Variants in RGS6 observed in about 807,000 individuals in gnomAD.
RGS6 encodes the protein regulator of G-protein signaling 6.
In RGS6, 30 loss-of-function variants were observed where a neutral mutation model predicts 78.5. The observed-to-expected ratio is 0.38, with a 90% confidence interval of 0.29 to 0.52. The LOEUF is 0.52. Among genes scored for constraint, RGS6 ranks in the 20% least tolerant of loss-of-function variants. RGS6 has a pLI of 0.85. For synonymous variants in RGS6, 206 were observed against 206.0 expected (o/e 1.00, Z 0.00); for missense variants, 495 against 609.7 (o/e 0.81, Z 1.98).
chr14:72,431,545 T>TTTTATTTTATTTTAG (rs2094639459), intron 3 of RGS6, among the ~76,000 whole-genome samples: 1 of 151,296 alleles, frequency 6.6e-6, no homozygotes, highest in African/African-American at 2.4e-5. Flanking sequence ...TTTTATTTTA[T>TTTTATTTTATTTTAG]TTTATTTTAT....
chr14:71,871,344 G>T, the RGS6 span, among the ~76,000 whole-genome samples: 13 of 152,286 alleles, frequency 8.5e-5, no homozygotes, highest in African/African-American at 3.1e-4. Flanking sequence ...ATAGACATGT[G>T]CTTGATAGAA....
At chr14:72,485,345 T>A (rs1864688258) in intron 12 of RGS6, among the ~76,000 whole-genome samples, 1 of 152,216 alleles carries the variant, frequency 6.6e-6, no homozygotes, top group Non-Finnish European at 1.5e-5. Context: ...TACATACCTC[T>A]ATTTTCTTCT....
At chr14:72,314,404 C>T (rs1482358989) in intron 2 of RGS6, among the ~76,000 whole-genome samples, 3 of 152,202 alleles carry the variant, frequency 2.0e-5, no homozygotes, top group African/African-American at 7.2e-5. Flanking sequence ...GTTGTCTTTT[C>T]TTGGGAAAGT....
Position 72,477,419 on chromosome 14 carries a change from AG to A in RGS6, c.792+581del, listed in dbSNP as rs1388089925. ...CTGGTTCCTAGAGGGCAAAACCCAAAGGAGTAAACTTTGAGGTGCTTGCCCT... is the reference window on the plus strand; with the variant it reads ...CTGGTTCCTAGAGGGCAAAACCCAAAGAGTAAACTTTGAGGTGCTTGCCCT... On this transcript the variant is annotated intron_variant, in intron 11 of 17. Transcript: ENST00000553525. Among the ~76,000 whole-genome samples the A allele has an allele frequency of 4.6e-5, 7 of 152,264 alleles. No individual in the cohort carries two copies. The South Asian group carries it at 1.2e-3, about 27-fold the overall frequency.
In RGS6 at chr14:72,510,294, G is replaced by A. The variant is rs377569281; in HGVS notation, c.1091+15G>A. On this transcript the variant is annotated intron_variant, in intron 14 of 17. Transcript: ENST00000553525. ...GAAAACCTCAGGTAAATCTCTCAAA[G>A]TTTGAGCTGTGTGCGGAATGTGTGT... 905 of 1,614,096 alleles carry A rather than the reference G, an allele frequency of 5.6e-4. No homozygotes were observed. Among genetic ancestry groups the A allele is most frequent in the Non-Finnish European group, 7.1e-4 (837 of 1,179,998 alleles).
intron 2 of RGS6, among the ~76,000 whole-genome samples, chr14:72,233,799 G>A (rs547484011): frequency 2.6e-5 from 4 of 152,332 alleles, no homozygotes; most frequent in African/African-American, 9.6e-5. Context: ...AGTAGGTGGG[G>A]CAGTGGCATG....
intron 2 of RGS6, among the ~76,000 whole-genome samples, chr14:72,323,837 A>C (rs1450361193): frequency 1.4e-5 from 2 of 142,892 alleles, no homozygotes; most frequent in East Asian, 2.1e-4. Flanking sequence ...AAAAAAAAAA[A>C]AAAACTATTG....
intron 7 of RGS6, 61 bp downstream of exon 7, chr14:72,465,883 C>A: frequency 7.4e-7 from 1 of 1,342,404 alleles, no homozygotes; most frequent in Non-Finnish European, 1.1e-6. Flanking sequence ...TCTGCAGCTC[C>A]GTCTAAGTTT....
chr14:72,195,162 C>T (rs376338373), intron 2 of RGS6, among the ~76,000 whole-genome samples: 13 of 151,626 alleles, frequency 8.6e-5, no homozygotes, highest in South Asian at 2.1e-4. Context: ...GAGCCGAGAT[C>T]GCACCACTGC....
At chr14:72,157,532 C>T (rs1458592218) in intron 2 of RGS6, among the ~76,000 whole-genome samples, 1 of 152,176 alleles carries the variant, frequency 6.6e-6, no homozygotes, top group Non-Finnish European at 1.5e-5. Context: ...GTTTCCTTCT[C>T]CACAATTCTG....
the RGS6 span, among the ~76,000 whole-genome samples, chr14:72,623,388 G>A: frequency 6.6e-6 from 1 of 152,158 alleles, no homozygotes; most frequent in Non-Finnish European, 1.5e-5. Context: ...ACCACACAGA[G>A]AGAAACTATT....
chr14:72,098,551 T>C (rs2153519482), intron 2 of RGS6, among the ~76,000 whole-genome samples: 1 of 152,348 alleles, frequency 6.6e-6, no homozygotes, highest in South Asian at 2.1e-4. Context: ...CAAATTTTTC[T>C]TGCAGATATA....
At chr14:71,976,365 C>T (rs1435346439) in intron 2 of RGS6, among the ~76,000 whole-genome samples, 1 of 150,722 alleles carries the variant, frequency 6.6e-6, no homozygotes, top group East Asian at 1.9e-4. Context: ...CACCCACTAA[C>T]TCGTCATCTA....
At chr14:71,936,064 T>C (rs1162242837) in intron 1 of RGS6, among the ~76,000 whole-genome samples, 1 of 110,502 alleles carries the variant, frequency 9.0e-6, no homozygotes, top group East Asian at 2.6e-4. Context: ...CATATATACA[T>C]ATATGCTATA....
intron 2 of RGS6, among the ~76,000 whole-genome samples, chr14:72,239,205 C>T (rs1296161246): frequency 6.6e-6 from 1 of 152,166 alleles, no homozygotes; most frequent in African/African-American, 2.4e-5. Context: ...TTAGGGTGAG[C>T]TGCCTGCATG....
intron 2 of RGS6, among the ~76,000 whole-genome samples, chr14:72,018,085 C>T (rs1846804427): frequency 6.6e-6 from 1 of 152,126 alleles, no homozygotes; most frequent in Non-Finnish European, 1.5e-5. Flanking sequence ...CCATCCATGT[C>T]CCTGCAAAGG....
chr14:71,969,240 C>T (rs2093678630), intron 2 of RGS6, among the ~76,000 whole-genome samples: 1 of 152,198 alleles, frequency 6.6e-6, no homozygotes. Flanking sequence ...GAATGTCTCA[C>T]ATTTTTAATG....
rs2097636212 is a variant in RGS6, at chr14:72,559,263, T to A, written c.1423-3154T>A. Among the ~76,000 whole-genome samples, 5 of 152,336 alleles carry A rather than the reference T, an allele frequency of 3.3e-5. No homozygotes were observed. The South Asian group carries it at 1.0e-3, about 32-fold the overall frequency. The stretch of plus-strand genomic sequence containing the variant: ...ATAGGGGCATGCACTTTGGGGCAGC[T>A]CATCTCTGAACACAGGTAGCCTCTA... On this transcript the variant is annotated intron_variant, in intron 17 of 17. Coordinates refer to ENST00000553525, the MANE Select transcript of RGS6 (RefSeq NM_001204424.2).
At chr14:72,301,178 G>A (rs529885997) in intron 2 of RGS6, among the ~76,000 whole-genome samples, 7 of 152,254 alleles carry the variant, frequency 4.6e-5, no homozygotes, top group East Asian at 1.9e-4. Context: ...AACATGTACC[G>A]AGCAGGGGAA....
Sources: allele counts gnomAD v4.1 joint callset (sites outside exome capture counted in the v4.1 genomes callset), GRCh38; gene constraint gnomAD v4.1.1; transcripts MANE v1.5; gene names NCBI Gene and HGNC (gene_info 2026-07-23, HGNC 2026-07-21).